Variants in FSTL5 observed in about 807,000 individuals in gnomAD.
FSTL5 encodes follistatin-related protein 5.
In FSTL5, 62 loss-of-function variants were observed where a neutral mutation model predicts 89.1. The observed-to-expected ratio is 0.70, with a 90% CI of 0.57 to 0.86. The LOEUF (loss-of-function observed/expected upper bound fraction) is 0.86. Among genes scored for constraint, FSTL5 ranks in the 40% least tolerant of loss-of-function variants. FSTL5 has a pLI of 0.00. For missense variants in FSTL5, 1,057 were observed against 1,001.6 expected (o/e 1.06, Z -0.75); for synonymous variants, 383 against 346.2 (o/e 1.11, Z -1.18).
chr4:161,597,347 G>T (rs1008723604), intron 7 of FSTL5, among the ~76,000 whole-genome samples: 28 of 151,844 alleles, frequency 1.8e-4, no homozygotes, highest in South Asian at 4.2e-4. Context: ...TTGTAAGCTG[G>T]AAACCATCAT....
chr4:161,956,588 A>C (rs1735032240), intron 3 of FSTL5, among the ~76,000 whole-genome samples: 1 of 151,992 alleles, frequency 6.6e-6, no homozygotes, highest in African/African-American at 2.4e-5. Context: ...AACCACAATT[A>C]CTTTTGCACT....
At chr4:161,977,905 T>C (rs72693217) in intron 3 of FSTL5, among the ~76,000 whole-genome samples, 1 of 152,080 alleles carries the variant, frequency 6.6e-6, no homozygotes, top group East Asian at 1.9e-4. Flanking sequence ...ATAATTCTTA[T>C]GCAGCTGTTT....
At chr4:161,645,128 G>A (rs1235552744) in intron 7 of FSTL5, among the ~76,000 whole-genome samples, 2 of 151,598 alleles carry the variant, frequency 1.3e-5, no homozygotes, top group African/African-American at 4.8e-5. Flanking sequence ...AATTTCTCAG[G>A]GTAAACATAG....
chr4:161,612,286 A>C (rs1399413268), intron 7 of FSTL5, among the ~76,000 whole-genome samples: 1 of 152,234 alleles, frequency 6.6e-6, no homozygotes, highest in East Asian at 1.9e-4. Context: ...TGAATAAATA[A>C]AAATTTATTC....
intron 7 of FSTL5, among the ~76,000 whole-genome samples, chr4:161,618,499 T>A (rs1734979691): frequency 6.8e-6 from 1 of 147,536 alleles, no homozygotes; most frequent in Non-Finnish European, 1.5e-5. Context: ...ATACGTCCCA[T>A]CAATACCTAA....
At chr4:161,814,629 C>T (rs141318933) in intron 4 of FSTL5, among the ~76,000 whole-genome samples, 190 of 152,186 alleles carry the variant, frequency 1.2e-3, no homozygotes, top group African/African-American at 4.4e-3. Flanking sequence ...ATTTTTGGTA[C>T]ATATGGCATT....
chr4:161,765,694 C>T (rs1264185897), intron 5 of FSTL5, among the ~76,000 whole-genome samples: 2 of 151,928 alleles, frequency 1.3e-5, no homozygotes, highest in African/African-American at 4.8e-5. Context: ...AAGTCAAATA[C>T]GTATAACATA....
At chr4:161,727,588 C>G (rs1739465082) in intron 6 of FSTL5, among the ~76,000 whole-genome samples, 1 of 152,172 alleles carries the variant, frequency 6.6e-6, no homozygotes, top group Non-Finnish European at 1.5e-5. Flanking sequence ...CATGTATTCC[C>G]TGACCAGTTC....
chr4:161,725,263 T>C lies in FSTL5; in HGVS notation c.727+34148A>G, dbSNP rs573807169. Among the ~76,000 whole-genome samples, 187 of 152,252 alleles carry C rather than the reference T, an allele frequency of 1.2e-3. 1 individual carries two copies. Among genetic ancestry groups the C allele is most frequent in the African/African-American group, 3.7e-3 (153 of 41,540 alleles). On this transcript the variant is annotated intron_variant, in intron 6 of 15. Coordinates refer to ENST00000306100, the MANE Select transcript of FSTL5 (RefSeq NM_020116.5). ...GTGCCTCCACGAAGGTGAATTATGA[T>C]TTGAGAAAAAGGGATAAGGGCAAAA...
chr4:162,127,445 A>G (rs12512615), intron 1 of FSTL5, among the ~76,000 whole-genome samples: 14,743 of 152,230 alleles, frequency 0.097, 906 homozygotes, highest in African/African-American at 0.17. Flanking sequence ...TGAATCAAAC[A>G]TTAACTATTT....
chr4:161,530,371 AATT>A (rs1377037187), intron 10 of FSTL5, among the ~76,000 whole-genome samples: 1 of 142,466 alleles, frequency 7.0e-6, no homozygotes, highest in Non-Finnish European at 1.5e-5. Flanking sequence ...TTTTGATAAT[AATT>A]ATTAACTTAC....
At chr4:162,055,533 AGAT>A (rs935395262) in intron 2 of FSTL5, among the ~76,000 whole-genome samples, 1 of 139,736 alleles carries the variant, frequency 7.2e-6, no homozygotes, top group Non-Finnish European at 1.6e-5. Flanking sequence ...GATGATAGAT[AGAT>A]AGATAGATAG....
chr4:161,451,393 A>G (rs2126392370), intron 15 of FSTL5, among the ~76,000 whole-genome samples: 1 of 152,300 alleles, frequency 6.6e-6, no homozygotes, highest in Non-Finnish European at 1.5e-5. Context: ...AAGCCTGAAA[A>G]TTACAGGCAC....
chr4:161,975,755 AAAATAAAATAAAATAAAAT>A (rs1468614780), intron 3 of FSTL5, among the ~76,000 whole-genome samples: 179 of 2,466 alleles, frequency 0.073, no homozygotes, highest in Admixed American at 0.14. Flanking sequence ...AAGTATAATA[AAAATAAAATAAAATAAAAT>A]AAAATAAAAT....
At chr4:162,122,538 G>GA (rs1272333086) in intron 1 of FSTL5, among the ~76,000 whole-genome samples, 1 of 151,838 alleles carries the variant, frequency 6.6e-6, no homozygotes, top group East Asian at 1.9e-4. Context: ...TTAAATTTCT[G>GA]AAAACAGAAA....
At chr4:161,713,757 A>T (rs1472277762) in intron 6 of FSTL5, among the ~76,000 whole-genome samples, 16 of 152,180 alleles carry the variant, frequency 1.1e-4, no homozygotes. Flanking sequence ...TTAACATTAC[A>T]AAATAGGCAT....
chr4:162,093,409 T>C (rs529014124), intron 2 of FSTL5, among the ~76,000 whole-genome samples: 1 of 152,264 alleles, frequency 6.6e-6, no homozygotes, highest in East Asian at 1.9e-4. Context: ...TGTTTTCCAG[T>C]GGCATAATCT....
At chr4:161,402,623 C>T (rs1383608256) in intron 15 of FSTL5, among the ~76,000 whole-genome samples, 1 of 152,110 alleles carries the variant, frequency 6.6e-6, no homozygotes, top group Non-Finnish European at 1.5e-5. Context: ...ACTCCCCGTG[C>T]AATGTTAGGT....
chr4:161,691,392 C>T (rs1737935253), intron 6 of FSTL5, among the ~76,000 whole-genome samples: 1 of 152,064 alleles, frequency 6.6e-6, no homozygotes, highest in Non-Finnish European at 1.5e-5. Flanking sequence ...TTGCATTGTT[C>T]TACATGCCTA....
Sources: gnomAD v4.1 joint callset for allele counts (sites outside exome capture counted in the v4.1 genomes callset) on GRCh38, gnomAD v4.1.1 for gene constraint, MANE v1.5 for transcripts, NCBI Gene and HGNC (gene_info 2026-07-23, HGNC 2026-07-21) for gene names.